FMN1: variants seen among roughly 807,000 people sequenced by gnomAD.
FMN1 encodes formin-1.
A neutral mutation model predicts 132.4 loss-of-function variants in FMN1; 110 were observed. The observed-to-expected ratio is 0.83, with a 90% CI of 0.71 to 0.97. The LOEUF (loss-of-function observed/expected upper bound fraction) is 0.97, where lower values mean the gene tolerates loss of function less well. FMN1 is among the 50% of genes least tolerant of loss of function. The pLI is 0.00. For synonymous variants in FMN1, 722 were observed against 651.7 expected (o/e 1.11, Z -1.64); for missense variants, 1,792 against 1,705.3 (o/e 1.05, Z -0.90).
chr15:33,190,615 C>A (rs1382796818), intron 2 of FMN1, among the ~76,000 whole-genome samples: 1 of 152,146 alleles, frequency 6.6e-6, no homozygotes, highest in Non-Finnish European at 1.5e-5. Flanking sequence ...TAACAACAAG[C>A]ACTGCTGTCT....
intron 17 of FMN1, among the ~76,000 whole-genome samples, chr15:32,821,957 C>A (rs577403507): frequency 1.3e-5 from 2 of 152,280 alleles, no homozygotes; most frequent in Admixed American, 1.3e-4. Flanking sequence ...AAATGCTTTA[C>A]ATTTTATTAG....
intron 5 of FMN1, among the ~76,000 whole-genome samples, chr15:33,071,964 G>A (rs1222008853): frequency 6.6e-6 from 1 of 152,134 alleles, no homozygotes; most frequent in Non-Finnish European, 1.5e-5. Context: ...CAGCAGAAGC[G>A]AAGGCTTTCA....
intron 6 of FMN1, among the ~76,000 whole-genome samples, chr15:33,015,618 C>T (rs890801318): frequency 1.3e-5 from 2 of 152,124 alleles, no homozygotes; most frequent in African/African-American, 2.4e-5. Context: ...TACTCCTACC[C>T]GCGGATCCTG....
Position 33,125,317 on chromosome 15 carries a change from A to G in FMN1, c.1867+27731T>C, listed in dbSNP as rs529391596. On this transcript the variant is annotated intron_variant, in intron 4 of 20. Transcript: ENST00000616417. ...GCTTCTGATGCATAGTAAGCCGTCAAGAAATGTTAGCAATCATCATTTAGG... is the reference window on the plus strand; with the variant it reads ...GCTTCTGATGCATAGTAAGCCGTCAGGAAATGTTAGCAATCATCATTTAGG... Among the ~76,000 whole-genome samples the G allele has an allele frequency of 4.6e-5, 7 of 152,364 alleles. 1 individual carries two copies. The East Asian group carries it at 1.3e-3, about 29-fold the overall frequency.
At chr15:33,043,817 G>A (rs772049831) in intron 6 of FMN1, among the ~76,000 whole-genome samples, 1 of 152,230 alleles carries the variant, frequency 6.6e-6, no homozygotes, top group Admixed American at 6.5e-5. Context: ...AGCTGCAGCT[G>A]CCCAGCCATG....
At chr15:32,938,962 T>C (rs2061340769) in intron 9 of FMN1, among the ~76,000 whole-genome samples, 1 of 152,182 alleles carries the variant, frequency 6.6e-6, no homozygotes. Flanking sequence ...AAAAAAGATT[T>C]ACAAAGAGCC....
intron 19 of FMN1, among the ~76,000 whole-genome samples, chr15:32,785,886 T>C (rs1462143743): frequency 6.6e-6 from 1 of 152,132 alleles, no homozygotes; most frequent in Non-Finnish European, 1.5e-5. Flanking sequence ...TGAGGGAATA[T>C]GGTTCATGAA....
At chr15:33,141,972 A>C (rs1464697270) in intron 4 of FMN1, among the ~76,000 whole-genome samples, 1 of 152,140 alleles carries the variant, frequency 6.6e-6, no homozygotes, top group East Asian at 1.9e-4. Context: ...CAACTTGCTC[A>C]TGTATCACTT....
chr15:32,890,952 A>G (rs1194946578), intron 15 of FMN1, among the ~76,000 whole-genome samples: 1 of 152,172 alleles, frequency 6.6e-6, no homozygotes, highest in Non-Finnish European at 1.5e-5. Flanking sequence ...ATTCTCCTAC[A>G]TGTGGCTAGC....
chr15:32,891,101 C>T (rs1298600779), intron 15 of FMN1, among the ~76,000 whole-genome samples: 3 of 152,154 alleles, frequency 2.0e-5, no homozygotes, highest in African/African-American at 7.2e-5. Context: ...GTCTATGTGC[C>T]TATTTTTATA....
At chr15:32,993,880 C>A (rs2033595298) in intron 7 of FMN1, among the ~76,000 whole-genome samples, 1 of 127,680 alleles carries the variant, frequency 7.8e-6, no homozygotes. Context: ...CCCTCCTCAA[C>A]TTGTCCTCTG....
chr15:32,854,372 C>A (rs980968395), intron 17 of FMN1, among the ~76,000 whole-genome samples: 1 of 152,158 alleles, frequency 6.6e-6, no homozygotes, highest in Non-Finnish European at 1.5e-5. Context: ...TTGTAACAAG[C>A]TATTTCAACA....
At chr15:33,192,170 A>G (rs1029428524) in intron 2 of FMN1, among the ~76,000 whole-genome samples, 7 of 152,264 alleles carry the variant, frequency 4.6e-5, no homozygotes, top group African/African-American at 1.7e-4. Context: ...GATGGTGTGC[A>G]TGAATCCAAA....
intron 6 of FMN1, among the ~76,000 whole-genome samples, chr15:33,020,862 T>C (rs984541928): frequency 2.0e-5 from 3 of 152,176 alleles, no homozygotes; most frequent in Non-Finnish European, 4.4e-5. Context: ...CTTAAAAGAC[T>C]TTATTGTATT....
At position 32,939,065 on chromosome 15, in the gene FMN1, C is replaced by T. The variant is rs987474282; in HGVS notation, c.3139-12804G>A. Among the ~76,000 whole-genome samples, 7 of 152,220 alleles carry T rather than the reference C, an allele frequency of 4.6e-5. No homozygotes were observed. The South Asian group carries it at 8.3e-4, about 18-fold the overall frequency. ...AGCACTGGTATTGTGTTCCTCTGCA[C>T]ATTAGCCAATCCAAATGGACAGTTG... On this transcript the variant is annotated intron_variant, in intron 9 of 20. Coordinates refer to ENST00000616417, the MANE Select transcript of FMN1 (RefSeq NM_001277313.2).
chr15:32,964,748 A>G (rs1235028305), intron 8 of FMN1, among the ~76,000 whole-genome samples: 1 of 152,238 alleles, frequency 6.6e-6, no homozygotes, highest in African/African-American at 2.4e-5. Context: ...TACAGTTTTT[A>G]GGATTCATGC....
chr15:33,188,423 A>G (rs954668616), intron 2 of FMN1, among the ~76,000 whole-genome samples: 1 of 152,048 alleles, frequency 6.6e-6, no homozygotes, highest in Non-Finnish European at 1.5e-5. Context: ...CCCTGGGTCC[A>G]TGTCATACCT....
At position 32,999,763 on chromosome 15, in the gene FMN1, G is replaced by A. The variant is rs914828670; in HGVS notation, c.2223+8251C>T. 1.1e-4 allele frequency among the ~76,000 whole-genome samples: 17 copies of A among 152,288 alleles called. No homozygotes were observed. In the South Asian group the frequency reaches 1.9e-3, roughly 17 times the overall value. On this transcript the variant is annotated intron_variant, in intron 7 of 20. Coordinates refer to ENST00000616417, the MANE Select transcript of FMN1 (RefSeq NM_001277313.2). ...TTAAAAACAGATACAACAATCTGTC[G>A]TTTCCAAGTCCTCTACTTTCAAACT...
At chr15:32,944,649 G>A (rs41473744) in intron 9 of FMN1, among the ~76,000 whole-genome samples, 7,902 of 151,990 alleles carry the variant, frequency 0.052, 245 homozygotes, top group East Asian at 0.12. Flanking sequence ...GTCTGAGAAC[G>A]TATTTGGCAC....
Sources: allele counts gnomAD v4.1 joint callset (sites outside exome capture counted in the v4.1 genomes callset), GRCh38; gene constraint gnomAD v4.1.1; transcripts MANE v1.5; gene names NCBI Gene and HGNC (gene_info 2026-07-23, HGNC 2026-07-21).